NPR1: variants seen among roughly 807,000 people sequenced by gnomAD.
The protein encoded by NPR1 is natriuretic peptide receptor 1.
Under a neutral mutation model 116.9 loss-of-function variants are expected in NPR1, and 57 were observed. The observed-to-expected ratio is 0.49, with a 90% CI of 0.39 to 0.61. The LOEUF is 0.61. NPR1 is among the 20% of genes least tolerant of loss of function. The pLI is 0.00. For synonymous variants in NPR1, 555 were observed against 601.6 expected (o/e 0.92, Z 1.13); for missense variants, 1,096 against 1,409.8 (o/e 0.78, Z 3.56).
chr1:153,688,303 C>A, intron 15 of NPR1, 82 bp downstream of exon 15: 1 of 1,462,322 alleles, frequency 6.8e-7, no homozygotes, highest in Non-Finnish European at 9.4e-7. Context: ...TGGCTTATCC[C>A]AGCAGTGGCA....
chr1:153,689,114 C>T lies in NPR1; in HGVS notation c.2564+15C>T, dbSNP rs1670016525. ...ATCCTGCCTCAGTGAGTGCCTGAGT[C>T]TGGGGACCCCCCCCAACACAAAGCC... On this transcript the variant is annotated intron_variant, in intron 16 of 21. Coordinates refer to ENST00000368680, the MANE Select transcript of NPR1 (RefSeq NM_000906.4). The surrounding 1 kb of genome is among the most constrained non-coding windows in gnomAD (Gnocchi z 5.1). 6.2e-7 allele frequency: 1 copy of T among 1,614,150 alleles called. No individual in the cohort carries two copies. Among genetic ancestry groups the T allele is most frequent in the Non-Finnish European group, 8.5e-7 (1 of 1,179,980 alleles).
At chr1:153,691,190 A>G (rs145970462) in intron 20 of NPR1, among the ~76,000 whole-genome samples, 88 of 152,322 alleles carry the variant, frequency 5.8e-4, no homozygotes, top group African/African-American at 1.9e-3. Context: ...AACTTTTCCA[A>G]GCCTTAGCGG....
At position 153,679,191 on chromosome 1, in the gene NPR1, G is replaced by T; in HGVS notation, c.83G>T (p.Arg28Leu). ...CTGCCGCCGCTGCTGCTGCTGCTCCGGGGCAGCCACGCGGGCAACCTGACG... is the reference window on the plus strand; with the variant it reads ...CTGCCGCCGCTGCTGCTGCTGCTCCTGGGCAGCCACGCGGGCAACCTGACG... ...LLLPPLLLLL[R>L]GSHAGNLTVA... The change falls in exon 1 of 22, where the codon CGG (arginine) becomes CTG (leucine). Residue 28 changes from arginine to leucine, a missense_variant. Physicochemically the swap from Arg to Leu is moderately radical, Grantham distance 102. Coordinates refer to ENST00000368680, the MANE Select transcript of NPR1 (RefSeq NM_000906.4). The surrounding 1 kb of genome is among the most constrained non-coding windows in gnomAD (Gnocchi z 4.2). The T allele has an allele frequency of 1.3e-6, 2 of 1,511,760 alleles. No homozygotes were observed. Among genetic ancestry groups the T allele is most frequent in the South Asian group, 1.2e-5 (1 of 81,556 alleles). The allele number at this position is 1,511,760 out of a possible 1,614,324, so 93.6% of individuals were successfully genotyped here. A position where few individuals can be genotyped will look rare whatever the true frequency, so the allele number is the denominator to read the frequency against.
At position 153,687,044 on chromosome 1, in the gene NPR1, T is replaced by C; in HGVS notation, c.1892T>C (p.Leu631Pro). Reference sequence around the variant, plus strand: ...ATTCTGGAGAATGAGAGCATCACCCTGGACTGGATGTTCCGGTACTCACTC... The same window carrying C: ...ATTCTGGAGAATGAGAGCATCACCCCGGACTGGATGTTCCGGTACTCACTC... ...QDILENESIT[L>P]DWMFRYSLTN... The change falls in exon 12 of 22, where the codon CTG (leucine) becomes CCG (proline). Residue 631 changes from leucine (L) to proline (P), a missense_variant. Leu to Pro is a moderately conservative substitution (Grantham distance 98, BLOSUM62 -3). Transcript: ENST00000368680. 6.2e-7 allele frequency: 1 copy of C among 1,614,166 alleles called. No homozygotes were observed. Among genetic ancestry groups the C allele is most frequent in the South Asian group, 1.1e-5 (1 of 91,080 alleles).
chr1:153,685,103 G>T lies in NPR1; in HGVS notation c.1605+19G>T, dbSNP rs558141618. The T allele has an allele frequency of 1.1e-5, 17 of 1,612,684 alleles. No individual in the cohort carries two copies. In the Admixed American group the frequency reaches 2.5e-4, roughly 24 times the overall value. On this transcript the variant is annotated intron_variant, in intron 8 of 21. Transcript: ENST00000368680. The stretch of plus-strand genomic sequence containing the variant: ...GAGCGGGGTAAGAACGCTGGTGTTT[G>T]TGTTGGGGGGCAATAAAGGAGAGGT...
chr1:153,689,436 C>T lies in NPR1; in HGVS notation c.2689-17C>T, dbSNP rs779325274. On this transcript the variant is annotated splice_polypyrimidine_tract_variant and intron_variant, in intron 17 of 21. Transcript: ENST00000368680. This position sits in a 1 kb window ranked among gnomAD's most constrained non-coding sequence, Gnocchi z 5.1. ...GTCCCCTACTTCCTGTCTCTCTTAG[C>T]TTCTCTTCCCTTCCAGGTGGTGACC... The T allele has an allele frequency of 6.2e-7, 1 of 1,613,998 alleles. No individual in the cohort carries two copies. The highest frequency in any genetic ancestry group is 1.3e-5 in the African/African-American group (1 of 74,928).
chr1:153,693,425 C>T lies in NPR1; in HGVS notation c.*11C>T. 1 of 1,579,850 alleles carries T rather than the reference C, an allele frequency of 6.3e-7. No homozygotes were observed. The highest frequency in any genetic ancestry group is 8.6e-7 in the Non-Finnish European group (1 of 1,165,254). On this transcript the variant is annotated 3_prime_UTR_variant, in exon 22 of 22. Coordinates refer to ENST00000368680, the MANE Select transcript of NPR1 (RefSeq NM_000906.4). ...AGCACCCGAGGCTGACCTGCCTCCTCTCCTATCCCTCCACACCTCCCTACC... is the reference window on the plus strand; with the variant it reads ...AGCACCCGAGGCTGACCTGCCTCCTTTCCTATCCCTCCACACCTCCCTACC...
intron 3 of NPR1, 186 bp downstream of exon 3, chr1:153,681,479 C>T: frequency 1.6e-6 from 1 of 639,688 alleles, no homozygotes; most frequent in Non-Finnish European, 2.7e-6. Flanking sequence ...AGGTCATCAT[C>T]AGTAATATGG....
At chr1:153,686,986 G>A in intron 11 of NPR1, 30 bp from the exon 12 acceptor site, 1 of 1,611,284 alleles carries the variant, frequency 6.2e-7, no homozygotes, top group Non-Finnish European at 8.5e-7. Flanking sequence ...GATCTGCAGG[G>A]GATTGGTCTG....
intron 20 of NPR1, among the ~76,000 whole-genome samples, 197 bp downstream of exon 20, chr1:153,690,579 C>A (rs1229746790): frequency 1.3e-5 from 2 of 152,080 alleles, no homozygotes; most frequent in African/African-American, 4.8e-5. Context: ...CCTGCTGCCC[C>A]TCTTGTCAAA....
intron 7 of NPR1, 148 bp from the exon 8 acceptor site, chr1:153,684,816 C>A: frequency 9.0e-7 from 1 of 1,110,906 alleles, no homozygotes; most frequent in Non-Finnish European, 1.3e-6. Context: ...TTTCCCCCAG[C>A]CATCCTGATT....
At chr1:153,686,227 T>G in intron 10 of NPR1, 27 bp downstream of exon 10, 1 of 1,606,594 alleles carries the variant, frequency 6.2e-7, no homozygotes, top group Non-Finnish European at 8.5e-7. Context: ...GGCAGTGGCA[T>G]GGAGAAGGGG....
At position 153,687,618 on chromosome 1, in the gene NPR1, G is replaced by C. The variant is rs146196101; in HGVS notation, c.2093-16G>C. ...TGGGCTCCCTCACTCGGTGACTACCGACCTCTGACCCACAGAAAAGCTGTG... is the reference window on the plus strand; with the variant it reads ...TGGGCTCCCTCACTCGGTGACTACCCACCTCTGACCCACAGAAAAGCTGTG... On this transcript the variant is annotated splice_polypyrimidine_tract_variant and intron_variant, in intron 13 of 21. Coordinates refer to ENST00000368680, the MANE Select transcript of NPR1 (RefSeq NM_000906.4). 6.4e-7 allele frequency: 1 copy of C among 1,563,184 alleles called. No individual in the cohort carries two copies. Among genetic ancestry groups the C allele is most frequent in the South Asian group, 1.2e-5 (1 of 84,580 alleles).
In NPR1 at chr1:153,680,691, G is replaced by A. The variant is rs1486782079; in HGVS notation, c.912G>A (p.Gln304=). The change falls in exon 2 of 22, where the codon CAG becomes CAA. Residue 304 remains glutamine, a synonymous_variant. Coordinates refer to ENST00000368680, the MANE Select transcript of NPR1 (RefSeq NM_000906.4). ...ATGGGCAGGATGTCAGTGCCCGCCA[G>A]GCCTTTCAGGTGAGTACCTAGGTTT... is the stretch of plus-strand genomic sequence containing the variant. The part of the protein sequence containing the change: ...RGDGQDVSAR[Q]AFQAAKIITY... The A allele has an allele frequency of 6.2e-7, 1 of 1,612,934 alleles. No individual in the cohort carries two copies. Among genetic ancestry groups the A allele is most frequent in the East Asian group, 2.2e-5 (1 of 44,888 alleles).
In NPR1 at chr1:153,689,910, T is replaced by G; in HGVS notation, c.2862T>G (p.Asp954Glu). Residue 954 changes from aspartate to glutamate, a missense_variant, in exon 19 of 22, where the codon GAT becomes GAG. Asp to Glu is a conservative substitution (Grantham distance 45). Transcript: ENST00000368680. This position sits in a 1 kb window ranked among gnomAD's most constrained non-coding sequence, Gnocchi z 5.1. The part of the protein sequence containing the change: ...EVARMALALL[D>E]AVRSFRIRHR... ...CCCGCATGGCCCTGGCACTGCTGGA[T>G]GCTGTGCGCTCCTTCCGAATCCGCC... 1.3e-6 allele frequency: 2 copies of G among 1,565,752 alleles called. No homozygotes were observed. The highest frequency in any genetic ancestry group is 1.7e-6 in the Non-Finnish European group (2 of 1,153,918).
chr1:153,679,617 C>T lies in NPR1; in HGVS notation c.509C>T (p.Ala170Val), dbSNP rs551526617. The change falls in exon 1 of 22, where the codon GCG becomes GTG. Residue 170 changes from alanine (A) to valine (V), a missense_variant. By Grantham distance (64) the Ala-to-Val change is moderately conservative. Coordinates refer to ENST00000368680, the MANE Select transcript of NPR1 (RefSeq NM_000906.4). The surrounding 1 kb of genome is among the most constrained non-coding windows in gnomAD (Gnocchi z 4.2). ...TACGCCAAGCTGGGGGACTTCGTGGCGGCGCTGCACCGACGGCTGGGCTGG... is the reference window on the plus strand; with the variant it reads ...TACGCCAAGCTGGGGGACTTCGTGGTGGCGCTGCACCGACGGCTGGGCTGG... ...PSYAKLGDFV[A>V]ALHRRLGWER... The T allele has an allele frequency of 1.1e-5, 18 of 1,585,928 alleles. 1 individual carries two copies. The Admixed American group carries it at 3.2e-4, about 28-fold the overall frequency.
chr1:153,688,886 G>A (rs1670007412), intron 15 of NPR1, 67 bp from the exon 16 acceptor site: 3 of 1,572,378 alleles, frequency 1.9e-6, no homozygotes, highest in Admixed American at 1.8e-5. Flanking sequence ...AGTGCCTAGG[G>A]GCGGGCGCTC....
At position 153,690,344 on chromosome 1, in the gene NPR1, C is replaced by T. The variant is rs373718062; in HGVS notation, c.2993C>T (p.Thr998Ile). ...CCCCGTTACTGTCTCTTTGGGGATA[C>T]AGTCAACACAGCCTCAAGAATGGAG... ...KMPRYCLFGD[T>I]VNTASRMESN... Residue 998 changes from threonine (T) to isoleucine (I), a missense_variant, in exon 20 of 22, where the codon ACA becomes ATA. Transcript: ENST00000368680. 3.2e-6 allele frequency: 5 copies of T among 1,560,326 alleles called. No homozygotes were observed. The African/African-American group carries it at 5.4e-5, about 17-fold the overall frequency.
In NPR1 at chr1:153,679,116, G is replaced by GGCCCCGGC; in HGVS notation, c.15_22dup (p.Ala8GlyfsTer31). The GGCCCCGGC allele has an allele frequency of 1.4e-6, 2 of 1,429,578 alleles. No individual in the cohort carries two copies. The highest frequency in any genetic ancestry group is 2.8e-5 in the East Asian group (1 of 35,404). 88.6% of individuals were successfully genotyped at this position (1,429,578 alleles called of 1,614,324 possible). The stretch of plus-strand genomic sequence containing the variant: ...GCGGTGCCCGCTGAGGCCATGCCGG[G>GGCCCCGGC]GCCCCGGCGCCCCGCTGGCTCCCGC... On this transcript the variant is annotated frameshift_variant, in exon 1 of 22. Coordinates refer to ENST00000368680, the MANE Select transcript of NPR1 (RefSeq NM_000906.4). LOFTEE classifies it high-confidence loss of function. The surrounding 1 kb of genome is among the most constrained non-coding windows in gnomAD (Gnocchi z 4.2).
Sources: allele counts gnomAD v4.1 joint callset (sites outside exome capture counted in the v4.1 genomes callset), GRCh38; gene constraint gnomAD v4.1.1; non-coding constraint Gnocchi (gnomAD v3.1); transcripts MANE v1.5; gene names NCBI Gene and HGNC (gene_info 2026-07-23, HGNC 2026-07-21).